FRMD4A: variants seen among roughly 807,000 people sequenced by gnomAD.
FRMD4A encodes the protein FERM domain containing 4A.
A neutral mutation model predicts 129.1 loss-of-function variants in FRMD4A; 29 were observed. The observed-to-expected ratio is 0.22, with a 90% CI of 0.17 to 0.31. The LOEUF is 0.31. FRMD4A is among the 10% of genes least tolerant of loss of function. The probability of loss-of-function intolerance (pLI) is 1.00; values close to 1 mark genes in which losing one functional copy is unlikely to be tolerated. For missense variants in FRMD4A, 1,272 were observed against 1,375.8 expected, an observed-to-expected ratio of 0.92 and a Z score of 1.19; for synonymous variants, 634 against 571.6, an observed-to-expected ratio of 1.11 and a Z score of -1.56.
In FRMD4A at chr10:13,663,479, AG is replaced by A; in HGVS notation, c.1633del (p.Leu545SerfsTer72). The A allele has an allele frequency of 6.4e-7, 1 of 1,563,684 alleles. No homozygotes were observed. The highest frequency in any genetic ancestry group is 8.8e-7 in the Non-Finnish European group (1 of 1,133,766). Reference protein sequence around the residue: ...DGNIASEDSSLSDALVLEDED... With the variant: ...DGNIASEDSSXSDALVLEDED... ...ATCCTCAAGAACAAGGGCATCTGAG[AG>A]GGAGCTGTCTTCACTGGCAATGTTT... On this transcript the variant is annotated frameshift_variant, in exon 19 of 25. Transcript: ENST00000357447. LOFTEE classifies it high-confidence loss of function.
intron 12 of FRMD4A, among the ~76,000 whole-genome samples, chr10:13,732,312 T>C (rs1182327393): frequency 9.4e-6 from 1 of 106,858 alleles, no homozygotes; most frequent in Non-Finnish European, 1.9e-5. Context: ...GTGCCTTTTT[T>C]GTTTGTTTGG....
chr10:13,881,537 T>C (rs1174759774), intron 2 of FRMD4A, among the ~76,000 whole-genome samples: 1 of 152,074 alleles, frequency 6.6e-6, no homozygotes, highest in African/African-American at 2.4e-5. Flanking sequence ...GAGCTGACCA[T>C]AGGTAGGGGC....
chr10:13,885,788 A>T (rs1185563129), intron 2 of FRMD4A, among the ~76,000 whole-genome samples: 1 of 152,142 alleles, frequency 6.6e-6, no homozygotes, highest in Non-Finnish European at 1.5e-5. Flanking sequence ...GTCACTCTGC[A>T]GTTCTTCTGT....
chr10:14,012,954 C>T (rs1339504949), intron 2 of FRMD4A, among the ~76,000 whole-genome samples: 1 of 152,106 alleles, frequency 6.6e-6, no homozygotes, highest in Non-Finnish European at 1.5e-5. Flanking sequence ...GGCCACAGGA[C>T]AGACAGGTTT....
chr10:13,818,554 G>A (rs1431265101), intron 3 of FRMD4A, among the ~76,000 whole-genome samples: 2 of 151,960 alleles, frequency 1.3e-5, no homozygotes, highest in Admixed American at 6.6e-5. Context: ...TCACCCATTC[G>A]AAAAAACTTG....
At chr10:14,201,466 A>G (rs1030443558) in intron 2 of FRMD4A, among the ~76,000 whole-genome samples, 4 of 152,186 alleles carry the variant, frequency 2.6e-5, no homozygotes, top group Non-Finnish European at 4.4e-5. Context: ...CTGCAGGAAT[A>G]ACTTGGGGGG....
chr10:14,111,806 A>G (rs2131796117), intron 2 of FRMD4A, among the ~76,000 whole-genome samples: 1 of 151,866 alleles, frequency 6.6e-6, no homozygotes, highest in South Asian at 2.1e-4. Flanking sequence ...TGACAAACTA[A>G]TGACAAAAAA....
chr10:14,323,850 G>A (rs997608081), intron 2 of FRMD4A, among the ~76,000 whole-genome samples: 3 of 152,230 alleles, frequency 2.0e-5, no homozygotes, highest in African/African-American at 7.2e-5. Context: ...AGATGACCAT[G>A]AAAGAGAGTC....
chr10:13,958,600 C>T (rs1565114096), intron 2 of FRMD4A, among the ~76,000 whole-genome samples: 1 of 134,228 alleles, frequency 7.5e-6, no homozygotes, highest in Non-Finnish European at 1.6e-5. Flanking sequence ...TTCTTTCTTT[C>T]TTTTTTTTTT....
chr10:13,923,153 A>G (rs1044760925), intron 2 of FRMD4A, among the ~76,000 whole-genome samples: 1 of 152,220 alleles, frequency 6.6e-6, no homozygotes, highest in Non-Finnish European at 1.5e-5. Context: ...GAGGTTTTCC[A>G]GGGCAATGTT....
At chr10:14,147,435 A>T (rs1357411773) in intron 2 of FRMD4A, among the ~76,000 whole-genome samples, 1 of 152,174 alleles carries the variant, frequency 6.6e-6, no homozygotes, top group Non-Finnish European at 1.5e-5. Flanking sequence ...GGATGATTCA[A>T]GCACATTACC....
At chr10:13,816,189 A>G (rs1263280548) in intron 3 of FRMD4A, among the ~76,000 whole-genome samples, 1 of 152,258 alleles carries the variant, frequency 6.6e-6, no homozygotes, top group African/African-American at 2.4e-5. Context: ...AGAAAAGCCT[A>G]CATTTATTAC....
chr10:14,215,072 A>G (rs1843034603), intron 2 of FRMD4A, among the ~76,000 whole-genome samples: 1 of 152,208 alleles, frequency 6.6e-6, no homozygotes, highest in Non-Finnish European at 1.5e-5. Flanking sequence ...TAAAACACCA[A>G]CAGTTGGACT....
chr10:13,962,735 C>G (rs987797339), intron 2 of FRMD4A, among the ~76,000 whole-genome samples: 4 of 152,144 alleles, frequency 2.6e-5, no homozygotes, highest in Non-Finnish European at 5.9e-5. Context: ...TGATCAAAAG[C>G]TCAAATTCTC....
intron 2 of FRMD4A, among the ~76,000 whole-genome samples, chr10:14,141,401 C>G (rs1839827440): frequency 6.6e-6 from 1 of 152,150 alleles, no homozygotes; most frequent in Non-Finnish European, 1.5e-5. Context: ...TATCCATGCA[C>G]TCTCACCTCC....
chr10:13,680,605 A>C (rs1324075984), intron 15 of FRMD4A, among the ~76,000 whole-genome samples: 3 of 152,056 alleles, frequency 2.0e-5, no homozygotes, highest in Non-Finnish European at 4.4e-5. Context: ...ATGCACCTGT[A>C]ATCCCAGCTA....
At chr10:13,919,057 G>C (rs2095041198) in intron 2 of FRMD4A, among the ~76,000 whole-genome samples, 1 of 152,076 alleles carries the variant, frequency 6.6e-6, no homozygotes, top group Non-Finnish European at 1.5e-5. Context: ...AGATGCCTAG[G>C]GGAAGGTATC....
At chr10:13,734,535 C>A (rs2090510794) in intron 12 of FRMD4A, among the ~76,000 whole-genome samples, 1 of 152,166 alleles carries the variant, frequency 6.6e-6, no homozygotes, top group South Asian at 2.1e-4. Context: ...ACTGTGATTT[C>A]AGGCACACTG....
chr10:13,787,248 T>A (rs934261276), intron 5 of FRMD4A, among the ~76,000 whole-genome samples: 14 of 152,168 alleles, frequency 9.2e-5, no homozygotes, highest in African/African-American at 3.1e-4. Flanking sequence ...GCCTGTCATA[T>A]CATTGTTCTG....
Sources: gnomAD v4.1 joint callset for allele counts (sites outside exome capture counted in the v4.1 genomes callset) on GRCh38, gnomAD v4.1.1 for gene constraint, MANE v1.5 for transcripts, NCBI Gene and HGNC (gene_info 2026-07-23, HGNC 2026-07-21) for gene names.